Variants in ADAMTS17 observed in about 807,000 individuals in gnomAD.
The protein encoded by ADAMTS17 is A disintegrin and metalloproteinase with thrombospondin motifs 17.
Under a neutral mutation model 141.5 loss-of-function variants are expected in ADAMTS17, and 113 were observed. The ratio of observed to expected loss-of-function variants is 0.80; its 90% CI spans 0.69 to 0.93. The LOEUF is 0.93. ADAMTS17 is among the 40% of genes least tolerant of loss of function. The probability of loss-of-function intolerance (pLI) is 0.00; values close to 1 mark genes in which losing one functional copy is unlikely to be tolerated. For synonymous variants in ADAMTS17, 768 were observed against 630.6 expected, an observed-to-expected ratio of 1.22 and a Z score of -3.27; for missense variants, 1,659 against 1,517.9, an observed-to-expected ratio of 1.09 and a Z score of -1.54.
At chr15:100,153,617 C>A (rs1262360498) in intron 9 of ADAMTS17, among the ~76,000 whole-genome samples, 2 of 152,144 alleles carry the variant, frequency 1.3e-5, no homozygotes, top group African/African-American at 4.8e-5. Context: ...GCACTCCAGC[C>A]TGGGTGAGAG....
intron 3 of ADAMTS17, among the ~76,000 whole-genome samples, chr15:100,324,389 C>CAGGTT (rs1388507007): frequency 6.6e-6 from 1 of 152,118 alleles, no homozygotes; most frequent in African/African-American, 2.4e-5. Flanking sequence ...ACTGGATACG[C>CAGGTT]AGGTTTCTTT....
intron 7 of ADAMTS17, among the ~76,000 whole-genome samples, chr15:100,229,342 T>C (rs999340614): frequency 2.7e-5 from 4 of 149,972 alleles, no homozygotes; most frequent in Middle Eastern, 3.2e-3. Flanking sequence ...TTATCTAATA[T>C]CCTGCCCTGC....
Position 100,051,731 on chromosome 15 carries a change from C to T in ADAMTS17, c.2296G>A (p.Val766Met). ...TAATCTTGGTCGTGAAATAACAACACCTGGATCAGCCGCAAAACAAAAGGC... is the reference window on the plus strand; with the variant it reads ...TAATCTTGGTCGTGAAATAACAACATCTGGATCAGCCGCAAAACAAAAGGC... Reference protein sequence around the residue: ...GPTKLPLHLMVLLFHDQDYGI... With the variant: ...GPTKLPLHLMMLLFHDQDYGI... Residue 766 changes from valine to methionine, a missense_variant and splice_region_variant, in exon 17 of 22, where the codon GTG (valine) becomes ATG (methionine). By Grantham distance (21) the Val-to-Met change is conservative. Transcript: ENST00000268070. 1.2e-6 allele frequency: 2 copies of T among 1,614,170 alleles called. No individual in the cohort carries two copies. Among genetic ancestry groups the T allele is most frequent in the Non-Finnish European group, 1.7e-6 (2 of 1,180,034 alleles).
At chr15:100,286,685 A>G (rs1442275419) in intron 3 of ADAMTS17, among the ~76,000 whole-genome samples, 3 of 152,204 alleles carry the variant, frequency 2.0e-5, no homozygotes, top group Non-Finnish European at 4.4e-5. Flanking sequence ...AACTTCAAAG[A>G]GTAAAGGAAC....
intron 10 of ADAMTS17, among the ~76,000 whole-genome samples, chr15:100,144,075 CAATT>C (rs1269790825): frequency 2.0e-5 from 3 of 152,138 alleles, no homozygotes; most frequent in Non-Finnish European, 4.4e-5. Context: ...ACCAAGAAAA[CAATT>C]AAACTGGAAG....
intron 6 of ADAMTS17, among the ~76,000 whole-genome samples, chr15:100,259,988 G>C (rs575875604): frequency 1.3e-5 from 2 of 152,148 alleles, no homozygotes; most frequent in Non-Finnish European, 2.9e-5. Context: ...GGGATTACAA[G>C]TGTGCACCAC....
chr15:100,291,464 C>T (rs1015876127), intron 3 of ADAMTS17, among the ~76,000 whole-genome samples: 1 of 152,158 alleles, frequency 6.6e-6, no homozygotes, highest in African/African-American at 2.4e-5. Context: ...AATTTTAACA[C>T]AGAACTACCA....
chr15:100,128,560 A>C (rs1379301373), intron 12 of ADAMTS17: 4 of 152,190 alleles, frequency 2.6e-5, no homozygotes, highest in African/African-American at 7.2e-5. Context: ...ATACAGGAAA[A>C]AGCAAGGGAG....
At chr15:100,282,543 C>T (rs2044318895) in intron 3 of ADAMTS17, among the ~76,000 whole-genome samples, 1 of 152,198 alleles carries the variant, frequency 6.6e-6, no homozygotes, top group South Asian at 2.1e-4. Context: ...ATATACTGTA[C>T]TAAAAGTTAT....
chr15:100,277,329 G>GACTGCA (rs2044132576), intron 4 of ADAMTS17, among the ~76,000 whole-genome samples: 1 of 152,072 alleles, frequency 6.6e-6, no homozygotes, highest in African/African-American at 2.4e-5. Flanking sequence ...AGTCTTTACG[G>GACTGCA]CCCATGAGGG....
intron 3 of ADAMTS17, among the ~76,000 whole-genome samples, chr15:100,297,785 T>G (rs1159825699): frequency 6.6e-6 from 1 of 152,118 alleles, no homozygotes; most frequent in Admixed American, 6.6e-5. Flanking sequence ...GCTCACAGCA[T>G]TCAGGAATCA....
At chr15:100,316,880 C>T (rs559889812) in intron 3 of ADAMTS17, among the ~76,000 whole-genome samples, 51 of 152,338 alleles carry the variant, frequency 3.3e-4, no homozygotes, top group Non-Finnish European at 4.4e-4. Context: ...GCAGGCCCTG[C>T]CCAAGGCCAC....
chr15:100,017,471 C>A (rs1046450138), intron 18 of ADAMTS17, among the ~76,000 whole-genome samples: 1 of 152,232 alleles, frequency 6.6e-6, no homozygotes, highest in East Asian at 1.9e-4. Flanking sequence ...GCCTCCCTCC[C>A]GATGGATCCC....
chr15:99,985,568 T>C (rs756848349), intron 20 of ADAMTS17, among the ~76,000 whole-genome samples: 2 of 152,170 alleles, frequency 1.3e-5, no homozygotes, highest in Non-Finnish European at 2.9e-5. Context: ...AGCAGACAGA[T>C]ACTTGACTTA....
chr15:100,312,185 G>A (rs542424815), intron 3 of ADAMTS17, among the ~76,000 whole-genome samples: 20 of 152,334 alleles, frequency 1.3e-4, no homozygotes, highest in Admixed American at 6.5e-4. Context: ...GTTTTGAGAT[G>A]CACACGTTAT....
At chr15:100,061,661 C>T (rs954353925) in intron 15 of ADAMTS17, among the ~76,000 whole-genome samples, 3 of 152,200 alleles carry the variant, frequency 2.0e-5, no homozygotes, top group Non-Finnish European at 2.9e-5. Context: ...GGAAGACACT[C>T]CTATCGCCAG....
Position 100,330,923 on chromosome 15 carries a change from G to T in ADAMTS17, c.582C>A (p.Ala194=). The change falls in exon 3 of 22, where the codon GCC becomes GCA. Residue 194 remains alanine (A), a synonymous_variant. Coordinates refer to ENST00000268070, the MANE Select transcript of ADAMTS17 (RefSeq NM_139057.4). ...CCTTGCAGAGCTGCTCAGGTCTCTG[G>T]GCCTCAGCAGAAGGGCTGGGGGTCA... ...WSLTPSPSAE[A]QRPEQLCKVL... 6.2e-7 allele frequency: 1 copy of T among 1,614,132 alleles called. No individual in the cohort carries two copies. Among genetic ancestry groups the T allele is most frequent in the African/African-American group, 1.3e-5 (1 of 75,006 alleles).
At chr15:100,051,466 G>A in intron 17 of ADAMTS17, 106 bp downstream of exon 17, 4 of 1,491,246 alleles carry the variant, frequency 2.7e-6, no homozygotes, top group African/African-American at 1.4e-5. Context: ...TTCCCATGGA[G>A]CTACAGGTTG....
intron 18 of ADAMTS17, among the ~76,000 whole-genome samples, chr15:100,042,437 TTTC>T (rs1567079422): frequency 1.3e-5 from 2 of 152,212 alleles, no homozygotes; most frequent in Non-Finnish European, 2.9e-5. Context: ...CACAGATTTC[TTTC>T]TTCTTTTTCT....
Sources: gnomAD v4.1 joint callset for allele counts (sites outside exome capture counted in the v4.1 genomes callset) on GRCh38, gnomAD v4.1.1 for gene constraint, MANE v1.5 for transcripts, NCBI Gene and HGNC (gene_info 2026-07-23, HGNC 2026-07-21) for gene names.